Variants in MUC5AC observed in about 807,000 individuals in gnomAD.
The protein encoded by MUC5AC is mucin 5AC, oligomeric mucus/gel-forming, also known as mucin-5AC.
Under a neutral mutation model 169.7 loss-of-function variants are expected in MUC5AC, and 158 were observed. The observed-to-expected ratio is 0.93, with a 90% CI of 0.82 to 1.06. The LOEUF (loss-of-function observed/expected upper bound fraction) is 1.06, where lower values mean the gene tolerates loss of function less well. MUC5AC is among the 50% of genes least tolerant of loss of function. MUC5AC has a pLI of 0.00. For synonymous variants in MUC5AC, 1,975 were observed against 1,237.0 expected, an observed-to-expected ratio of 1.60 and a Z score of -12.52; for missense variants, 4,359 against 3,089.9, an observed-to-expected ratio of 1.41 and a Z score of -9.74.
chr11:1,196,658 G>A lies in MUC5AC; in HGVS notation c.15767G>A (p.Cys5256Tyr), dbSNP rs748641653. 1.3e-6 allele frequency: 1 copy of A among 762,718 alleles called. No individual in the cohort carries two copies. Among genetic ancestry groups the A allele is most frequent in the Non-Finnish European group, 2.4e-6 (1 of 416,980 alleles). 47.2% of individuals were successfully genotyped at this position (762,718 alleles called of 1,614,324 possible). A position where few individuals can be genotyped will look rare whatever the true frequency, so the allele number is the denominator to read the frequency against. Residue 5256 changes from cysteine (C) to tyrosine (Y), a missense_variant, in exon 39 of 49, where the codon TGT (cysteine) becomes TAT (tyrosine). By Grantham distance (194) the Cys-to-Tyr change is radical. Coordinates refer to ENST00000621226, the MANE Select transcript of MUC5AC (RefSeq NM_001304359.2). Reference protein sequence around the residue: ...EAGPITEGCFCPEGMTLFSTS... With the variant: ...EAGPITEGCFYPEGMTLFSTS... The stretch of plus-strand genomic sequence containing the variant: ...GGCCCCATCACCGAAGGCTGCTTCT[G>A]TCCGGAGGGCATGACCCTCTTCAGC...
chr11:1,160,090 C>T (rs367885837), intron 1 of MUC5AC, among the ~76,000 whole-genome samples: 2 of 152,016 alleles, frequency 1.3e-5, no homozygotes, highest in East Asian at 1.9e-4. Context: ...GGGGCTGGGC[C>T]GGGCTGAAAT....
At position 1,174,656 on chromosome 11, in the gene MUC5AC, G is replaced by T; in HGVS notation, c.2092+34G>T. On this transcript the variant is annotated intron_variant, in intron 17 of 48. Coordinates refer to ENST00000621226, the MANE Select transcript of MUC5AC (RefSeq NM_001304359.2). ...CTGCCAAGCCCAGCCCCTTTCCCTC[G>T]CTGGGTGGCCGCGGGTCTTGGGGTG... The T allele has an allele frequency of 4.7e-6, 4 of 843,516 alleles. No individual in the cohort carries two copies. In the African/African-American group the frequency reaches 5.1e-5, roughly 11 times the overall value. The allele number at this position is 843,516 out of a possible 1,614,324, so 52.3% of individuals were successfully genotyped here. A position where few individuals can be genotyped will look rare whatever the true frequency, so the allele number is the denominator to read the frequency against.
At position 1,197,626 on chromosome 11, in the gene MUC5AC, C is replaced by T; in HGVS notation, c.16020C>T (p.Pro5340=). 1 of 720,160 alleles carries T rather than the reference C, an allele frequency of 1.4e-6. No individual in the cohort carries two copies. Among genetic ancestry groups the T allele is most frequent in the South Asian group, 1.5e-5 (1 of 68,798 alleles). The allele number at this position is 720,160 out of a possible 1,614,324, so 44.6% of individuals were successfully genotyped here. Residue 5340 remains proline (P), a synonymous_variant, in exon 41 of 49, where the codon CCC becomes CCT. Coordinates refer to ENST00000621226, the MANE Select transcript of MUC5AC (RefSeq NM_001304359.2). The part of the protein sequence containing the change: ...PAAPQAGQCC[P]QYSCACNTSR... ...CCCCACAGGCCGGCCAGTGCTGCCCCCAGTACAGCTGCGGTAAGCCCTTTG... is the reference window on the plus strand; with the variant it reads ...CCCCACAGGCCGGCCAGTGCTGCCCTCAGTACAGCTGCGGTAAGCCCTTTG...
rs1860829270 is a variant in MUC5AC, at chr11:1,182,136, CCTTCT to C, written c.4010-13_4010-9del. The C allele has an allele frequency of 5.0e-6, 2 of 398,486 alleles. No individual in the cohort carries two copies. The highest frequency in any genetic ancestry group is 8.8e-6 in the Non-Finnish European group (2 of 226,064). 24.7% of individuals were successfully genotyped at this position (398,486 alleles called of 1,614,324 possible). On this transcript the variant is annotated splice_polypyrimidine_tract_variant and intron_variant, in intron 30 of 48. Coordinates refer to ENST00000621226, the MANE Select transcript of MUC5AC (RefSeq NM_001304359.2). ...AGTGCGGGCCTCTCATGCTCAGCTG[CCTTCT>C]CTTCTGCCCACAGTCGTGAGCTCCA...
chr11:1,158,087 C>G lies in MUC5AC; in HGVS notation c.73+15C>G. ...CCGGCATACAGGTACGGCTTGGCCC[C>G]TGGCCGCTCTACTGGTCCTGGGTGG... On this transcript the variant is annotated intron_variant, in intron 1 of 48. Coordinates refer to ENST00000621226, the MANE Select transcript of MUC5AC (RefSeq NM_001304359.2). 3 of 1,589,314 alleles carry G rather than the reference C, an allele frequency of 1.9e-6. No homozygotes were observed. The highest frequency in any genetic ancestry group is 2.6e-6 in the Non-Finnish European group (3 of 1,170,706).
Position 1,192,966 on chromosome 11 carries a change from C to CTCTGGG in MUC5AC, c.14564_14565insTCTGGG (p.Ala4855_Val4856insLeuGly). ...GTCACTGAGCTGGGATGCCCAAATG[C>CTCTGGG]GGTTCCCCCCAGAAAGGTAACCCCC... On this transcript the variant is annotated inframe_insertion, in exon 32 of 49. Transcript: ENST00000621226. The CTCTGGG allele has an allele frequency of 1.4e-6, 1 of 722,798 alleles. No individual in the cohort carries two copies. Among genetic ancestry groups the CTCTGGG allele is most frequent in the Non-Finnish European group, 2.5e-6 (1 of 393,046 alleles). The allele number at this position is 722,798 out of a possible 1,614,324, so 44.8% of individuals were successfully genotyped here.
At position 1,193,514 on chromosome 11, in the gene MUC5AC, C is replaced by A; in HGVS notation, c.14610C>A (p.Cys4870Ter). ...GTGAGACCTGGGCCACACCCAACTG[C>A]TCCGAGGCCACCTGTGAGGGCAACA... ...KKGETWATPN[C>*]SEATCEGNNV... The change falls in exon 33 of 49, where the codon TGC becomes TGA. Residue 4870 changes from cysteine to a stop codon, truncating the protein, a stop_gained. Transcript: ENST00000621226. LOFTEE classifies it high-confidence loss of function. The A allele has an allele frequency of 1.3e-6, 1 of 754,120 alleles. No individual in the cohort carries two copies. The highest frequency in any genetic ancestry group is 2.4e-6 in the Non-Finnish European group (1 of 413,048). 46.7% of individuals were successfully genotyped at this position (754,120 alleles called of 1,614,324 possible).
In MUC5AC at chr11:1,188,462, C is replaced by A; in HGVS notation, c.10317C>A (p.Thr3439=). The A allele has an allele frequency of 1.5e-6, 1 of 647,828 alleles. No homozygotes were observed. The highest frequency in any genetic ancestry group is 2.9e-6 in the Non-Finnish European group (1 of 348,700). The allele number at this position is 647,828 out of a possible 1,614,324, so 40.1% of individuals were successfully genotyped here. A position where few individuals can be genotyped will look rare whatever the true frequency, so the allele number is the denominator to read the frequency against. Reference sequence around the variant, plus strand: ...TCTCTGCCCCTACAACCAGCACAACCTCTTCCCCTACAACCAGCACAACCT... The same window carrying A: ...TCTCTGCCCCTACAACCAGCACAACATCTTCCCCTACAACCAGCACAACCT... ...SIISAPTTST[T]SSPTTSTTSA... Residue 3439 remains threonine, a synonymous_variant, in exon 31 of 49, where the codon ACC becomes ACA. Coordinates refer to ENST00000621226, the MANE Select transcript of MUC5AC (RefSeq NM_001304359.2).
In MUC5AC at chr11:1,196,732, A is replaced by T. The variant is rs1204136337; in HGVS notation, c.15829+12A>T. The T allele has an allele frequency of 2.7e-6, 2 of 748,712 alleles. No homozygotes were observed. Among genetic ancestry groups the T allele is most frequent in the Non-Finnish European group, 4.9e-6 (2 of 410,484 alleles). 46.4% of individuals were successfully genotyped at this position (748,712 alleles called of 1,614,324 possible). ...CACGGGCTGCCCCAGTACGTGCCCC[A>T]GGCCGGGGCTGGGGGGTGTGGCAGG... On this transcript the variant is annotated intron_variant, in intron 39 of 48. Transcript: ENST00000621226.
intron 25 of MUC5AC, 49 bp downstream of exon 25, chr11:1,178,732 C>T (rs1424855386): frequency 1.5e-5 from 15 of 995,554 alleles, no homozygotes; most frequent in Non-Finnish European, 1.8e-5. Flanking sequence ...GTCATGGTGA[C>T]CCAAGGAGCC....
At chr11:1,159,969 T>TCTGCGACGGG (rs1860090362) in intron 1 of MUC5AC, among the ~76,000 whole-genome samples, 2 of 124,984 alleles carry the variant, frequency 1.6e-5, no homozygotes, top group African/African-American at 3.1e-5. Flanking sequence ...CCATGCTGGC[T>TCTGCGACGGG]CTGTGCAGGG....
In MUC5AC at chr11:1,176,166, T is replaced by A. The variant is rs1025344389; in HGVS notation, c.2417T>A (p.Met806Lys). The change falls in exon 20 of 49, where the codon ATG becomes AAG. Residue 806 changes from methionine to lysine, a missense_variant. By Grantham distance (95) the Met-to-Lys change is moderately conservative. Transcript: ENST00000621226. ...CCCTCCCCAGTGTGTGCTGCGCCCA[T>A]GGTGTTCTTTGACTGCCGAAATGCC... ...QAPAPVCAAP[M>K]VFFDCRNATP... is the part of the protein sequence containing the mutation. The A allele has an allele frequency of 2.5e-6, 1 of 398,630 alleles. No homozygotes were observed. The highest frequency in any genetic ancestry group is 4.4e-6 in the Non-Finnish European group (1 of 226,088). The allele number at this position is 398,630 out of a possible 1,614,324, so 24.7% of individuals were successfully genotyped here. A position where few individuals can be genotyped will look rare whatever the true frequency, so the allele number is the denominator to read the frequency against.
Position 1,175,878 on chromosome 11 carries a change from C to T in MUC5AC, c.2402-273C>T, listed in dbSNP as rs1860669923. ...TTATGGACACGCTCACACATCCACT[C>T]ATGCACATGCACACACACCCACACA... On this transcript the variant is annotated intron_variant, in intron 19 of 48. Coordinates refer to ENST00000621226, the MANE Select transcript of MUC5AC (RefSeq NM_001304359.2). Among the ~76,000 whole-genome samples the T allele has an allele frequency of 1.0e-4, 8 of 79,790 alleles. 1 individual carries two copies. The highest frequency in any genetic ancestry group is 2.5e-4 in the African/African-American group (5 of 19,610). The allele number at this position is 79,790 out of a possible 152,430, so 52.3% of individuals were successfully genotyped here. A position where few individuals can be genotyped will look rare whatever the true frequency, so the allele number is the denominator to read the frequency against.
rs1860626285 is a variant in MUC5AC, at chr11:1,174,549, C to T, written c.2019C>T (p.Ala673=). The T allele has an allele frequency of 1.4e-5, 22 of 1,563,214 alleles. No homozygotes were observed. The highest frequency in any genetic ancestry group is 1.7e-4 in the Middle Eastern group (1 of 6,006). The change falls in exon 17 of 49, where the codon GCC becomes GCT. Residue 673 remains alanine (A), a synonymous_variant. Transcript: ENST00000621226. ...AGCGGAGCGAGGACTGCCTGTGCGC[C>T]GCGCTGTCCTCCTACGTGCACGCCT... ...NCERSEDCLC[A]ALSSYVHACA...
chr11:1,193,324 G>A (rs562265975), intron 32 of MUC5AC, among the ~76,000 whole-genome samples, 161 bp from the exon 33 acceptor site: 4 of 152,276 alleles, frequency 2.6e-5, no homozygotes, highest in Non-Finnish European at 4.4e-5. Flanking sequence ...GGGCCAGCTC[G>A]GTGTCTGGGG....
chr11:1,167,830 G>C, intron 11 of MUC5AC, 47 bp from the exon 12 acceptor site: 1 of 1,493,572 alleles, frequency 6.7e-7, no homozygotes, highest in Non-Finnish European at 9.1e-7. Context: ...CAGGTGGGCT[G>C]GGCGTTGGAT....
rs1860939679 is a variant in MUC5AC at position 1,186,199 on chromosome 11, C to G, written c.8054C>G (p.Thr2685Ser). 9 of 751,262 alleles carry G rather than the reference C, an allele frequency of 1.2e-5. 1 individual carries two copies. The highest frequency in any genetic ancestry group is 7.3e-5 in the East Asian group (3 of 40,934). 46.5% of individuals were successfully genotyped at this position (751,262 alleles called of 1,614,324 possible). A position where few individuals can be genotyped will look rare whatever the true frequency, so the allele number is the denominator to read the frequency against. ...ACTTCTGCTTCTACAACCAGCACAA[C>G]CTCTGCTTCTACAACCAGCACAACC... ...STTSASTTSTTSASTTSTTSG... is the reference protein window; with the variant it reads ...STTSASTTSTSSASTTSTTSG... Residue 2685 changes from threonine (T) to serine (S), a missense_variant, in exon 31 of 49, where the codon ACC becomes AGC. By Grantham distance (58) the Thr-to-Ser change is moderately conservative. Coordinates refer to ENST00000621226, the MANE Select transcript of MUC5AC (RefSeq NM_001304359.2).
At chr11:1,162,190 G>A (rs1267766466) in intron 4 of MUC5AC, 22 bp downstream of exon 4, 1 of 1,603,060 alleles carries the variant, frequency 6.2e-7, no homozygotes. Flanking sequence ...TTCTGGGATG[G>A]TGGGGGCCAC....
chr11:1,161,053 C>T (rs919760200), intron 2 of MUC5AC, among the ~76,000 whole-genome samples: 13 of 152,210 alleles, frequency 8.5e-5, no homozygotes, highest in East Asian at 1.9e-4. Flanking sequence ...CCCTTGGCGC[C>T]GGCCGTCCCC....
Sources: gnomAD v4.1 joint callset for allele counts (sites outside exome capture counted in the v4.1 genomes callset) on GRCh38, gnomAD v4.1.1 for gene constraint, MANE v1.5 for transcripts, NCBI Gene and HGNC (gene_info 2026-07-23, HGNC 2026-07-21) for gene names.